The following UTRN variants were observed in gnomAD, a reference collection of about 807,000 sequenced individuals.
UTRN encodes dystrophin-related protein 1.
Under a neutral mutation model 463.9 loss-of-function variants are expected in UTRN, and 283 were observed. The ratio of observed to expected loss-of-function variants is 0.61; its 90% CI spans 0.55 to 0.67. UTRN has a LOEUF of 0.67. Ranked by LOEUF, UTRN falls within the 30% of genes least tolerant of loss-of-function variation. The probability of loss-of-function intolerance (pLI) is 0.00; values close to 1 mark genes in which losing one functional copy is unlikely to be tolerated. For synonymous variants in UTRN, 1,442 were observed against 1,431.5 expected (o/e 1.01, Z -0.17); for missense variants, 3,922 against 4,084.3 (o/e 0.96, Z 1.08).
rs1257549706 is a variant in UTRN, at chr6:144,678,451, A to G, written c.7525A>G (p.Ile2509Val). The change falls in exon 52 of 75, where the codon ATT becomes GTT. Residue 2509 changes from isoleucine to valine, a missense_variant. Physicochemically the swap from Ile to Val is conservative, Grantham distance 29. Coordinates refer to ENST00000367545, the MANE Select transcript of UTRN (RefSeq NM_007124.3). ...IDAHNDIFKS[I>V]DGNRQKMVKA... ...TGCCCACAATGACATATTTAAAAGC[A>G]TTGACGGAAACAGGCAGAAGATGGT... is the stretch of plus-strand genomic sequence containing the variant. 6.2e-6 allele frequency: 10 copies of G among 1,613,296 alleles called. No individual in the cohort carries two copies. Among genetic ancestry groups the G allele is most frequent in the Non-Finnish European group, 8.5e-6 (10 of 1,179,612 alleles).
At chr6:144,527,920 C>T (rs1796701008) in intron 41 of UTRN, among the ~76,000 whole-genome samples, 1 of 151,974 alleles carries the variant, frequency 6.6e-6, no homozygotes. Flanking sequence ...AGTTGGACTT[C>T]ACCTTTCACT....
At chr6:144,493,763 G>T (rs1190054180) in intron 33 of UTRN, among the ~76,000 whole-genome samples, 2 of 152,072 alleles carry the variant, frequency 1.3e-5, no homozygotes, top group Non-Finnish European at 2.9e-5. Flanking sequence ...GAGCCCAGGG[G>T]TTTGAGACCA....
intron 13 of UTRN, among the ~76,000 whole-genome samples, chr6:144,443,091 G>C (rs1787331298): frequency 6.6e-6 from 1 of 152,152 alleles, no homozygotes; most frequent in African/African-American, 2.4e-5. Flanking sequence ...TTGCACAAAG[G>C]CAATAGTGTA....
chr6:144,332,825 A>G (rs1776432252), intron 2 of UTRN, among the ~76,000 whole-genome samples: 1 of 152,066 alleles, frequency 6.6e-6, no homozygotes, highest in Non-Finnish European at 1.5e-5. Context: ...CTTTATTCTT[A>G]TAATTAATAT....
At chr6:144,373,644 C>T (rs532771980) in intron 2 of UTRN, among the ~76,000 whole-genome samples, 2 of 152,228 alleles carry the variant, frequency 1.3e-5, no homozygotes, top group East Asian at 1.9e-4. Context: ...ATCGTACATC[C>T]GTTAAATCCG....
chr6:144,359,788 A>G (rs779097823), intron 2 of UTRN, among the ~76,000 whole-genome samples: 1 of 149,802 alleles, frequency 6.7e-6, no homozygotes, highest in Non-Finnish European at 1.5e-5. Flanking sequence ...ATCCCTCAGT[A>G]GCTAAGCCTG....
rs79635158 is a variant in UTRN, at chr6:144,641,282, G to C, written c.7480-37124G>C. 2.0e-3 allele frequency among the ~76,000 whole-genome samples: 306 copies of C among 152,240 alleles called. 9 individuals carry two copies. The East Asian group carries it at 0.049, about 24-fold the overall frequency. On this transcript the variant is annotated intron_variant, in intron 51 of 74. Transcript: ENST00000367545. ...GGGACAACTCAAAATGGAGGGACGG[G>C]TGCTTCCAGGTCATAGGTAGATTTG...
At chr6:144,626,224 T>C (rs1384351822) in intron 51 of UTRN, among the ~76,000 whole-genome samples, 1 of 152,236 alleles carries the variant, frequency 6.6e-6, no homozygotes, top group African/African-American at 2.4e-5. Context: ...TTGTTTACCA[T>C]GGTACTGCAA....
intron 65 of UTRN, among the ~76,000 whole-genome samples, chr6:144,811,708 T>G (rs146873448): frequency 6.6e-6 from 1 of 150,768 alleles, no homozygotes; most frequent in Admixed American, 6.6e-5. Flanking sequence ...TCATTGAAAC[T>G]TAAATAAAAA....
chr6:144,680,390 T>G (rs182701738), intron 52 of UTRN, among the ~76,000 whole-genome samples: 5 of 152,320 alleles, frequency 3.3e-5, no homozygotes, highest in Non-Finnish European at 7.4e-5. Context: ...TATTATGTAA[T>G]AAGTAAGTTA....
At chr6:144,823,206 G>T (rs1779751268) in intron 66 of UTRN, among the ~76,000 whole-genome samples, 2 of 152,116 alleles carry the variant, frequency 1.3e-5, no homozygotes, top group Admixed American at 1.3e-4. Flanking sequence ...AAAGGAAGAA[G>T]TGTAAGCTTG....
rs1791984602 is a variant in UTRN, at chr6:144,482,408, GTTGTTATTATTA to G, written c.3687+23_3687+34del. ...CTAGAGGTATGCTATTATTATTATT[GTTGTTATTATTA>G]TTATTATTATTATTATTATTATTTT... is the stretch of plus-strand genomic sequence containing the variant. On this transcript the variant is annotated intron_variant, in intron 27 of 74. Transcript: ENST00000367545. 7.9e-6 allele frequency: 9 copies of G among 1,139,908 alleles called. No homozygotes were observed. The South Asian group carries it at 9.0e-5, about 11-fold the overall frequency. 70.6% of individuals were successfully genotyped at this position (1,139,908 alleles called of 1,614,324 possible).
At chr6:144,539,074 TTG>T (rs1275682798) in intron 44 of UTRN, among the ~76,000 whole-genome samples, 2 of 152,192 alleles carry the variant, frequency 1.3e-5, no homozygotes, top group African/African-American at 4.8e-5. Flanking sequence ...GAGAGCCCGT[TTG>T]TGCACAGGAG....
chr6:144,394,021 T>A (rs963724082), intron 2 of UTRN, among the ~76,000 whole-genome samples: 10 of 152,158 alleles, frequency 6.6e-5, no homozygotes, highest in Admixed American at 1.3e-4. Flanking sequence ...CTGGGTCTTG[T>A]CTATCTCAAG....
intron 9 of UTRN, 101 bp from the exon 10 acceptor site, chr6:144,435,834 A>C (rs571548728): frequency 7.7e-7 from 1 of 1,299,476 alleles, no homozygotes; most frequent in African/African-American, 1.5e-5. Flanking sequence ...AGTGCCTAAG[A>C]CAGAGTGGTG....
At chr6:144,754,884 C>A in intron 57 of UTRN, 86 bp downstream of exon 57, 2 of 1,301,438 alleles carry the variant, frequency 1.5e-6, no homozygotes, top group South Asian at 1.3e-5. Flanking sequence ...GTATTCCTTG[C>A]TATAAATATG....
At chr6:144,301,536 C>CTTTTTTTTTTTTTTTTT (rs200484231) in intron 2 of UTRN, among the ~76,000 whole-genome samples, 11 of 92,762 alleles carry the variant, frequency 1.2e-4, no homozygotes, top group Non-Finnish European at 1.9e-4. Flanking sequence ...TTCTTTCTTT[C>CTTTTTTTTTTTTTTTTT]TTTTTTTTTT....
intron 23 of UTRN, among the ~76,000 whole-genome samples, chr6:144,469,713 T>A (rs2128566329): frequency 6.6e-6 from 1 of 150,772 alleles, no homozygotes; most frequent in South Asian, 2.1e-4. Context: ...CTTTTTTTTT[T>A]TAGTATTTAT....
At chr6:144,363,484 A>C (rs1340041832) in intron 2 of UTRN, among the ~76,000 whole-genome samples, 1 of 152,144 alleles carries the variant, frequency 6.6e-6, no homozygotes, top group African/African-American at 2.4e-5. Flanking sequence ...TGGGCCTTAC[A>C]TCTTCCCTCT....
Sources: allele counts gnomAD v4.1 joint callset (sites outside exome capture counted in the v4.1 genomes callset), GRCh38; gene constraint gnomAD v4.1.1; transcripts MANE v1.5; gene names NCBI Gene and HGNC (gene_info 2026-07-23, HGNC 2026-07-21).